Variants in CAPZA2 observed in about 807,000 individuals in gnomAD.
CAPZA2 encodes capping actin protein of muscle Z-line subunit alpha 2.
CAPZA2 carries 13 observed loss-of-function variants against 44.0 expected under a neutral mutation model. The observed-to-expected ratio is 0.30, with a 90% CI of 0.19 to 0.47. The LOEUF is 0.47. Among genes scored for constraint, CAPZA2 ranks in the 20% least tolerant of loss-of-function variants. The pLI, the probability that CAPZA2 is intolerant of heterozygous loss-of-function variation, is 1.00. For synonymous variants in CAPZA2, 94 were observed against 108.2 expected (o/e 0.87, Z 0.81); for missense variants, 244 against 338.6 (o/e 0.72, Z 2.19).
intron 5 of CAPZA2, among the ~76,000 whole-genome samples, chr7:116,904,981 A>AC (rs1562962664): frequency 6.7e-6 from 1 of 149,458 alleles, no homozygotes. Flanking sequence ...AAAAAAAAAA[A>AC]AAAAAAAACA....
intron 4 of CAPZA2, among the ~76,000 whole-genome samples, chr7:116,900,909 A>C (rs937646404): frequency 6.6e-6 from 1 of 152,172 alleles, no homozygotes; most frequent in Non-Finnish European, 1.5e-5. Context: ...ATATGAGAAA[A>C]AAGATCACCA....
chr7:116,870,325 G>A (rs573653667), intron 1 of CAPZA2, among the ~76,000 whole-genome samples: 3 of 152,270 alleles, frequency 2.0e-5, no homozygotes, highest in Non-Finnish European at 2.9e-5. Flanking sequence ...ATACCAGAGA[G>A]CACAACATAG....
chr7:116,867,594 T>C (rs1796498194), intron 1 of CAPZA2, among the ~76,000 whole-genome samples: 1 of 150,988 alleles, frequency 6.6e-6, no homozygotes, highest in African/African-American at 2.4e-5. Context: ...TTTTTTTTTT[T>C]TTTTTTTGAG....
intron 3 of CAPZA2, 76 bp from the exon 4 acceptor site, chr7:116,898,696 G>A (rs1372722126): frequency 3.4e-6 from 3 of 890,100 alleles, no homozygotes; most frequent in Admixed American, 4.7e-5. Flanking sequence ...TTTATTGATG[G>A]GTGAATTTTT....
chr7:116,914,460 C>CAT (rs1484341228), intron 8 of CAPZA2, among the ~76,000 whole-genome samples: 1 of 151,182 alleles, frequency 6.6e-6, no homozygotes, highest in African/African-American at 2.4e-5. Context: ...CACACACACA[C>CAT]ACACACACAC....
chr7:116,899,141 A>G (rs1413356030), intron 4 of CAPZA2, among the ~76,000 whole-genome samples: 2 of 151,996 alleles, frequency 1.3e-5, no homozygotes, highest in African/African-American at 4.8e-5. Context: ...TCTAGAATAT[A>G]TGTGTAGTAG....
At chr7:116,900,899 A>G (rs1162619993) in intron 4 of CAPZA2, among the ~76,000 whole-genome samples, 1 of 152,154 alleles carries the variant, frequency 6.6e-6, no homozygotes, top group Non-Finnish European at 1.5e-5. Context: ...CCAAACAAGC[A>G]TATGAGAAAA....
intron 5 of CAPZA2, 112 bp from the exon 6 acceptor site, chr7:116,906,151 T>C: frequency 7.0e-7 from 1 of 1,433,796 alleles, no homozygotes; most frequent in Non-Finnish European, 9.2e-7. Flanking sequence ...TACTTTGTAT[T>C]TTATGTGTTC....
intron 1 of CAPZA2, among the ~76,000 whole-genome samples, chr7:116,878,775 G>GT (rs1796652504): frequency 6.6e-6 from 1 of 152,162 alleles, no homozygotes; most frequent in Admixed American, 6.6e-5. Flanking sequence ...CTTGAACAGT[G>GT]TAGGACACAA....
chr7:116,867,738 C>T (rs1157316114), intron 1 of CAPZA2, among the ~76,000 whole-genome samples: 8 of 152,072 alleles, frequency 5.3e-5, no homozygotes, highest in Non-Finnish European at 8.8e-5. Flanking sequence ...CACACACCTG[C>T]GTCCCTAGCT....
intron 9 of CAPZA2, among the ~76,000 whole-genome samples, chr7:116,916,643 G>GCCAAAAAAAA (rs1424787479): frequency 7.9e-5 from 12 of 152,146 alleles, no homozygotes; most frequent in Admixed American, 3.3e-4. Context: ...AAAAGACTAG[G>GCCAAAAAAAA]TTTTGGCCAA....
At chr7:116,897,995 T>C (rs1295807275) in intron 3 of CAPZA2, among the ~76,000 whole-genome samples, 1 of 152,164 alleles carries the variant, frequency 6.6e-6, no homozygotes, top group African/African-American at 2.4e-5. Flanking sequence ...AATTATTCCA[T>C]CATTCAGAGC....
chr7:116,886,515 T>C (rs1177003916), intron 1 of CAPZA2, among the ~76,000 whole-genome samples: 1 of 152,238 alleles, frequency 6.6e-6, no homozygotes, highest in African/African-American at 2.4e-5. Context: ...CATTTCCTTT[T>C]CTTTCCATTA....
intron 1 of CAPZA2, among the ~76,000 whole-genome samples, chr7:116,885,340 T>C (rs1306536906): frequency 6.6e-6 from 1 of 151,916 alleles, no homozygotes; most frequent in Non-Finnish European, 1.5e-5. Flanking sequence ...TTTTTTTTTG[T>C]ATTCTCCCAC....
intron 6 of CAPZA2, chr7:116,909,914 G>A (rs565322317): frequency 3.7e-6 from 1 of 268,028 alleles, no homozygotes; most frequent in South Asian, 5.2e-5. Context: ...AAAGAAACCT[G>A]TAACTGATTG....
chr7:116,917,752 C>A lies in CAPZA2; in HGVS notation c.746C>A (p.Thr249Lys). Residue 249 changes from threonine (T) to lysine (K), a missense_variant, in exon 10 of 10, where the codon ACA (threonine) becomes AAA (lysine). By Grantham distance (78) the Thr-to-Lys change is moderately conservative (BLOSUM62 -1). Coordinates refer to ENST00000361183, the MANE Select transcript of CAPZA2 (RefSeq NM_006136.3). ...YQTAISENYQTMSDTTFKALR... is the reference protein window; with the variant it reads ...YQTAISENYQKMSDTTFKALR... ...ACTGCCATCAGTGAGAATTATCAGA[C>A]AATGTCGGACACTACTTTCAAAGCC... 1.2e-6 allele frequency: 2 copies of A among 1,607,718 alleles called. No individual in the cohort carries two copies. The highest frequency in any genetic ancestry group is 1.7e-6 in the Non-Finnish European group (2 of 1,174,164).
chr7:116,890,043 G>GACTGC (rs947641939), intron 2 of CAPZA2, among the ~76,000 whole-genome samples: 1 of 152,146 alleles, frequency 6.6e-6, no homozygotes, highest in African/African-American at 2.4e-5. Context: ...ATAATGGTGA[G>GACTGC]ACTGCACTAA....
At chr7:116,912,163 A>T in intron 8 of CAPZA2, 23 bp downstream of exon 8, 1 of 1,609,700 alleles carries the variant, frequency 6.2e-7, no homozygotes, top group Non-Finnish European at 8.5e-7. Context: ...TTCCACAATA[A>T]AATTTAACCT....
At chr7:116,897,311 C>T (rs140541599) in intron 3 of CAPZA2, among the ~76,000 whole-genome samples, 5 of 152,240 alleles carry the variant, frequency 3.3e-5, no homozygotes, top group East Asian at 1.9e-4. Context: ...TTACAGTTTT[C>T]GTGAATTAGG....
Sources: allele counts gnomAD v4.1 joint callset (sites outside exome capture counted in the v4.1 genomes callset), GRCh38; gene constraint gnomAD v4.1.1; transcripts MANE v1.5; gene names NCBI Gene and HGNC (gene_info 2026-07-23, HGNC 2026-07-21).